Variants in PIGN observed in about 807,000 individuals in gnomAD.
The protein encoded by PIGN is phosphatidylinositol glycan anchor biosynthesis class N, also known as GPI ethanolamine phosphate transferase 1.
A neutral mutation model predicts 125.4 loss-of-function variants in PIGN; 117 were observed. That is an observed-to-expected ratio of 0.93 (90% CI 0.80 to 1.09). PIGN has a LOEUF of 1.09. Among genes scored for constraint, PIGN ranks in the 50% least tolerant of loss-of-function variants. The pLI is 0.00. For synonymous variants in PIGN, 392 were observed against 377.8 expected (o/e 1.04, Z -0.44); for missense variants, 1,075 against 1,094.9 (o/e 0.98, Z 0.26).
chr18:62,109,745 G>T, intron 17 of PIGN, 89 bp downstream of exon 17: 1 of 1,095,864 alleles, frequency 9.1e-7, no homozygotes, highest in Non-Finnish European at 1.3e-6. Context: ...TATATTTGAT[G>T]ACTTATGGTA....
downstream of PIGN, among the ~76,000 whole-genome samples, chr18:62,039,872 G>GC (rs1285873112): frequency 4.3e-5 from 2 of 46,690 alleles, no homozygotes; most frequent in Non-Finnish European, 7.9e-5. Flanking sequence ...CATGTTTAGG[G>GC]CCCAGCCAGG....
intron 1 of PIGN, among the ~76,000 whole-genome samples, chr18:62,170,587 T>C (rs2037315753): frequency 1.3e-5 from 2 of 152,166 alleles, no homozygotes. Context: ...TGGGCCTTGC[T>C]ATTCCAAAAC....
At chr18:62,088,925 T>C (rs1440912729) in intron 24 of PIGN, 83 bp from the exon 25 acceptor site, 1 of 746,416 alleles carries the variant, frequency 1.3e-6, no homozygotes, top group Non-Finnish European at 2.3e-6. Context: ...AATGGCTAAG[T>C]TACAATGGCT....
chr18:62,125,858 G>A (rs576168273), intron 14 of PIGN, among the ~76,000 whole-genome samples: 100 of 151,948 alleles, frequency 6.6e-4, no homozygotes, highest in African/African-American at 2.1e-3. Flanking sequence ...TTTAAAATAC[G>A]AATGAAAAAC....
intron 4 of PIGN, among the ~76,000 whole-genome samples, chr18:62,159,555 T>C (rs566624886): frequency 1.3e-5 from 2 of 152,364 alleles, no homozygotes; most frequent in African/African-American, 2.4e-5. Context: ...GTACTGTACT[T>C]AACCTTGGTT....
intron 30 of PIGN, among the ~76,000 whole-genome samples, chr18:62,065,573 C>A (rs2032464909): frequency 6.6e-6 from 1 of 151,870 alleles, no homozygotes; most frequent in Admixed American, 6.6e-5. Context: ...CCCGTCTCTA[C>A]TAAAAATACA....
At chr18:62,175,102 T>C (rs145934521) in intron 1 of PIGN, among the ~76,000 whole-genome samples, 25 of 147,446 alleles carry the variant, frequency 1.7e-4, no homozygotes, top group African/African-American at 5.9e-4. Flanking sequence ...ATATATAATG[T>C]TTATGTCATT....
At chr18:62,157,031 A>T in intron 6 of PIGN, 98 bp downstream of exon 6, 1 of 524,032 alleles carries the variant, frequency 1.9e-6, no homozygotes, top group Admixed American at 3.7e-5. Context: ...AAATATGTGT[A>T]AAAATCAACA....
rs1466965889 is a variant in PIGN at position 62,044,774 on chromosome 18, G to C, written c.*1082C>G. ...ATAGGGCGCATACCAGGAAAGCTTA[G>C]CATCAGCCAAAGCTACTAGCACACC... On this transcript the variant is annotated 3_prime_UTR_variant, in exon 31 of 31. Coordinates refer to ENST00000640252, the MANE Select transcript of PIGN (RefSeq NM_176787.5). 6.6e-6 allele frequency: 1 copy of C among 152,146 alleles called. No individual in the cohort carries two copies. Among genetic ancestry groups the C allele is most frequent in the Non-Finnish European group, 1.5e-5 (1 of 68,030 alleles). The allele number at this position is 152,146 out of a possible 1,614,324, so 9.4% of individuals were successfully genotyped here. A position where few individuals can be genotyped will look rare whatever the true frequency, so the allele number is the denominator to read the frequency against.
chr18:62,061,922 T>C (rs1249775654), intron 30 of PIGN, among the ~76,000 whole-genome samples: 1 of 152,174 alleles, frequency 6.6e-6, no homozygotes, highest in African/African-American at 2.4e-5. Flanking sequence ...CATTTCCCCC[T>C]ACTTCCCCAC....
intron 23 of PIGN, among the ~76,000 whole-genome samples, chr18:62,030,636 T>G (rs1357558265): frequency 6.6e-6 from 1 of 152,260 alleles, no homozygotes; most frequent in Non-Finnish European, 1.5e-5. Flanking sequence ...CTGATATTTT[T>G]ATCTTCACAT....
intron 16 of PIGN, chr18:62,112,896 A>C (rs2034935735): frequency 2.3e-6 from 1 of 442,606 alleles, no homozygotes; most frequent in African/African-American, 2.0e-5. Flanking sequence ...CACTTAAATT[A>C]CTTACACCTC....
At chr18:62,134,598 C>A (rs1228378009) in intron 14 of PIGN, among the ~76,000 whole-genome samples, 2 of 152,166 alleles carry the variant, frequency 1.3e-5, no homozygotes, top group African/African-American at 4.8e-5. Context: ...AATCATAATT[C>A]ATTCTTCCCT....
At chr18:62,092,702 A>C (rs530544731) in intron 23 of PIGN, among the ~76,000 whole-genome samples, 1 of 152,218 alleles carries the variant, frequency 6.6e-6, no homozygotes, top group South Asian at 2.1e-4. Context: ...AATATACCAG[A>C]ACATTAACAA....
intron 20 of PIGN, among the ~76,000 whole-genome samples, chr18:62,104,259 T>A (rs1487864353): frequency 6.6e-6 from 1 of 152,206 alleles, no homozygotes; most frequent in East Asian, 1.9e-4. Flanking sequence ...CTTCCCACAT[T>A]CATCTTTAGT....
intron 23 of PIGN, among the ~76,000 whole-genome samples, chr18:62,095,210 A>G (rs1484671412): frequency 1.3e-5 from 2 of 152,342 alleles, no homozygotes; most frequent in South Asian, 4.1e-4. Flanking sequence ...TTACCCTCAT[A>G]AAGATTTAAG....
At chr18:62,088,510 T>C (rs17069440) in intron 25 of PIGN, 1 of 222,388 alleles carries the variant, frequency 4.5e-6, no homozygotes, top group Non-Finnish European at 8.6e-6. Context: ...AAAAAACATA[T>C]GTGACAAAGT....
chr18:62,057,094 A>C (rs1450835515), intron 30 of PIGN, among the ~76,000 whole-genome samples: 1 of 152,080 alleles, frequency 6.6e-6, no homozygotes. Flanking sequence ...GTACTAAAGG[A>C]CTTTATTTTT....
At chr18:62,123,795 G>A (rs897177655) in intron 14 of PIGN, among the ~76,000 whole-genome samples, 7 of 152,034 alleles carry the variant, frequency 4.6e-5, no homozygotes, top group Admixed American at 1.3e-4. Flanking sequence ...AGGAAAACTA[G>A]TTAGCATAAT....
Sources: gnomAD v4.1 joint callset for allele counts (sites outside exome capture counted in the v4.1 genomes callset) on GRCh38, gnomAD v4.1.1 for gene constraint, MANE v1.5 for transcripts, NCBI Gene and HGNC (gene_info 2026-07-23, HGNC 2026-07-21) for gene names.